CCDC141: variants seen among roughly 807,000 people sequenced by gnomAD.
The protein encoded by CCDC141 is coiled-coil domain containing 141.
In CCDC141, 168 loss-of-function variants were observed where a neutral mutation model predicts 181.0. The ratio of observed to expected loss-of-function variants is 0.93; its 90% CI spans 0.82 to 1.05. The LOEUF (loss-of-function observed/expected upper bound fraction) is 1.05, where lower values mean the gene tolerates loss of function less well. CCDC141 is among the 50% of genes least tolerant of loss of function. The pLI, the probability that CCDC141 is intolerant of heterozygous loss-of-function variation, is 0.00. For missense variants in CCDC141, 1,902 were observed against 1,788.5 expected (o/e 1.06, Z -1.14); for synonymous variants, 666 against 642.3 (o/e 1.04, Z -0.56).
intron 2 of CCDC141, among the ~76,000 whole-genome samples, chr2:179,014,582 AC>A (rs572645719): frequency 2.3e-4 from 35 of 152,220 alleles, no homozygotes; most frequent in African/African-American, 7.2e-4. Flanking sequence ...CAAGAAAAAA[AC>A]AAACAATCCC....
chr2:178,865,615 G>T, intron 17 of CCDC141, 152 bp downstream of exon 17: 3 of 748,472 alleles, frequency 4.0e-6, no homozygotes, highest in Non-Finnish European at 5.7e-6. Flanking sequence ...ACTGCTCAGT[G>T]GATTAAAAGA....
At chr2:178,934,148 A>G (rs966884648) in intron 6 of CCDC141, among the ~76,000 whole-genome samples, 1 of 152,062 alleles carries the variant, frequency 6.6e-6, no homozygotes, top group Non-Finnish European at 1.5e-5. Context: ...CAGAGTTGAG[A>G]AACACTAACC....
At chr2:178,859,417 G>A (rs142142520) in intron 17 of CCDC141, among the ~76,000 whole-genome samples, 2 of 152,256 alleles carry the variant, frequency 1.3e-5, no homozygotes, top group Non-Finnish European at 2.9e-5. Flanking sequence ...TGTTCACACA[G>A]CTGTTTCTAA....
chr2:178,973,915 C>T (rs1475306103), intron 4 of CCDC141, among the ~76,000 whole-genome samples: 1 of 152,156 alleles, frequency 6.6e-6, no homozygotes, highest in Non-Finnish European at 1.5e-5. Context: ...ATTACTACTG[C>T]TGTATAATAA....
intron 8 of CCDC141, among the ~76,000 whole-genome samples, chr2:178,898,193 G>C (rs559249204): frequency 2.8e-4 from 43 of 152,296 alleles, no homozygotes; most frequent in African/African-American, 9.9e-4. Flanking sequence ...AGTTCTCTCA[G>C]GAATAGATTA....
At chr2:178,993,300 T>C (rs993568834) in intron 2 of CCDC141, among the ~76,000 whole-genome samples, 2 of 151,986 alleles carry the variant, frequency 1.3e-5, no homozygotes, top group Non-Finnish European at 2.9e-5. Flanking sequence ...AGGAAAGAGG[T>C]TTAATGGAGT....
At chr2:178,938,606 T>C (rs1689384470) in intron 6 of CCDC141, among the ~76,000 whole-genome samples, 1 of 152,096 alleles carries the variant, frequency 6.6e-6, no homozygotes, top group Admixed American at 6.6e-5. Flanking sequence ...ATGTCTAATA[T>C]ATCCATTTGG....
intron 6 of CCDC141, 56 bp from the exon 7 acceptor site, chr2:178,918,963 T>C: frequency 6.9e-7 from 1 of 1,447,122 alleles, no homozygotes; most frequent in Non-Finnish European, 9.3e-7. Context: ...GACCGAATGC[T>C]TGTGTCCCCC....
intron 2 of CCDC141, among the ~76,000 whole-genome samples, chr2:178,982,710 C>G (rs941736119): frequency 6.6e-6 from 1 of 152,184 alleles, no homozygotes; most frequent in African/African-American, 2.4e-5. Flanking sequence ...TGACAGACGG[C>G]ACCTGGAGAA....
chr2:178,891,039 T>C (rs1365153145), intron 8 of CCDC141, among the ~76,000 whole-genome samples: 1 of 152,160 alleles, frequency 6.6e-6, no homozygotes, highest in Non-Finnish European at 1.5e-5. Flanking sequence ...ACAGCTAATA[T>C]AAGCAGCAAA....
chr2:178,820,626 A>G, the CCDC141 span, among the ~76,000 whole-genome samples: 1 of 152,210 alleles, frequency 6.6e-6, no homozygotes, highest in South Asian at 2.1e-4. Flanking sequence ...TGAGAATGAG[A>G]TCTAAAGTTT....
Position 178,926,224 on chromosome 2 carries a change from C to T in CCDC141, c.898-7317G>A, listed in dbSNP as rs1688904537. Among the ~76,000 whole-genome samples the T allele has an allele frequency of 1.3e-5, 2 of 151,994 alleles. 1 individual carries two copies. Among genetic ancestry groups the T allele is most frequent in the African/African-American group, 4.8e-5 (2 of 41,394 alleles). The stretch of plus-strand genomic sequence containing the variant: ...CAAGGAAATGACACTTACAATCAGA[C>T]AAATTTTGGAACCACTGATCCAGAA... On this transcript the variant is annotated intron_variant, in intron 6 of 23. Transcript: ENST00000443758.
At chr2:178,908,196 T>C (rs983979434) in intron 7 of CCDC141, among the ~76,000 whole-genome samples, 1 of 152,122 alleles carries the variant, frequency 6.6e-6, no homozygotes, top group African/African-American at 2.4e-5. Context: ...TTAGGTTTTT[T>C]GTTTTGTTTT....
In CCDC141 at chr2:178,834,993, T is replaced by C. The variant is rs557952535; in HGVS notation, c.4326-553A>G. On this transcript the variant is annotated intron_variant, in intron 23 of 23. Coordinates refer to ENST00000443758, the MANE Select transcript of CCDC141 (RefSeq NM_173648.4). The stretch of plus-strand genomic sequence containing the variant: ...AATATTGCATATGAAAATTCAGATA[T>C]CCAGCTACCCCTAAAAACAAAAACA... 7.9e-5 allele frequency among the ~76,000 whole-genome samples: 12 copies of C among 152,230 alleles called. 1 individual carries two copies. In the South Asian group the frequency reaches 2.3e-3, roughly 29 times the overall value.
intron 8 of CCDC141, among the ~76,000 whole-genome samples, chr2:178,896,307 A>C (rs1687400156): frequency 6.6e-6 from 1 of 152,110 alleles, no homozygotes; most frequent in Non-Finnish European, 1.5e-5. Context: ...TTCTCTGAAG[A>C]AGTGACCGCA....
chr2:178,827,392 T>C (rs1453581828), downstream of CCDC141, among the ~76,000 whole-genome samples: 2 of 152,324 alleles, frequency 1.3e-5, no homozygotes, highest in East Asian at 1.9e-4. Context: ...AGGTCATGTA[T>C]TTCCTAATTT....
chr2:179,016,025 A>G (rs1333189914), intron 2 of CCDC141, among the ~76,000 whole-genome samples: 5 of 150,884 alleles, frequency 3.3e-5, no homozygotes, highest in East Asian at 3.9e-4. Context: ...ATAAAAAGGA[A>G]TGAATTAACA....
intron 2 of CCDC141, among the ~76,000 whole-genome samples, chr2:178,985,341 C>T (rs1268324981): frequency 6.8e-6 from 1 of 148,004 alleles, no homozygotes; most frequent in Non-Finnish European, 1.5e-5. Context: ...ATTTATAGCA[C>T]TAAATGCCCA....
intron 2 of CCDC141, among the ~76,000 whole-genome samples, chr2:179,010,088 C>A (rs1386604278): frequency 1.3e-5 from 2 of 151,882 alleles, no homozygotes; most frequent in Non-Finnish European, 2.9e-5. Flanking sequence ...TTAACCCAAT[C>A]CAACAAAGAC....
Sources: gnomAD v4.1 joint callset for allele counts (sites outside exome capture counted in the v4.1 genomes callset) on GRCh38, gnomAD v4.1.1 for gene constraint, MANE v1.5 for transcripts, NCBI Gene and HGNC (gene_info 2026-07-23, HGNC 2026-07-21) for gene names.